Variants in COL21A1 observed in about 807,000 individuals in gnomAD.
COL21A1 encodes the protein collagen type XXI alpha 1 chain.
A neutral mutation model predicts 137.9 loss-of-function variants in COL21A1; 149 were observed. That is an observed-to-expected ratio of 1.08 (90% CI 0.95 to 1.24). The LOEUF (loss-of-function observed/expected upper bound fraction) is 1.24. Ranked by LOEUF, COL21A1 falls within the 50% of genes most tolerant of loss-of-function variation. The pLI, the probability that COL21A1 is intolerant of heterozygous loss-of-function variation, is 0.00. For missense variants in COL21A1, 1,167 were observed against 1,158.4 expected (o/e 1.01, Z -0.11); for synonymous variants, 456 against 391.5 (o/e 1.16, Z -1.95).
chr6:56,217,546 T>A (rs1780564837), intron 1 of COL21A1, among the ~76,000 whole-genome samples: 1 of 152,028 alleles, frequency 6.6e-6, no homozygotes, highest in African/African-American at 2.4e-5. Flanking sequence ...CCAACCCAAT[T>A]TCATTGTTTA....
intron 17 of COL21A1, among the ~76,000 whole-genome samples, chr6:56,098,712 T>C (rs74802513): frequency 9.1e-6 from 1 of 109,308 alleles, no homozygotes; most frequent in Non-Finnish European, 1.7e-5. Flanking sequence ...TATATAAATA[T>C]ATATAAATAT....
rs572669773 is a variant in COL21A1, at chr6:56,179,693, T to G, written c.525A>C (p.Glu175Asp). The change falls in exon 3 of 30, where the codon GAA becomes GAC. Residue 175 changes from glutamate (E) to aspartate (D), a missense_variant. Glu to Asp is a conservative substitution (Grantham distance 45). Coordinates refer to ENST00000244728, the MANE Select transcript of COL21A1 (RefSeq NM_030820.4). ...LFAIGVGSET[E>D]DAELRAIANK... ...TGGCAATAGCTCTAAGTTCGGCATCTTCTGTTTCTGAACCAACACCAATAG... is the reference window on the plus strand; with the variant it reads ...TGGCAATAGCTCTAAGTTCGGCATCGTCTGTTTCTGAACCAACACCAATAG... 16 of 1,613,980 alleles carry G rather than the reference T, an allele frequency of 9.9e-6. No homozygotes were observed. The African/African-American group carries it at 1.6e-4, about 16-fold the overall frequency.
At chr6:56,142,729 G>A (rs576590745) in intron 10 of COL21A1, among the ~76,000 whole-genome samples, 12 of 152,294 alleles carry the variant, frequency 7.9e-5, no homozygotes, top group African/African-American at 2.9e-4. Flanking sequence ...TGATTGTCAG[G>A]TTAATGGACC....
At chr6:56,305,392 A>T (rs1764419780) in intron 1 of COL21A1, among the ~76,000 whole-genome samples, 1 of 152,062 alleles carries the variant, frequency 6.6e-6, no homozygotes, top group South Asian at 2.1e-4. Context: ...GTCTCTAAGG[A>T]CTTGCTTTAT....
chr6:56,106,390 T>C (rs1045172459), intron 16 of COL21A1, among the ~76,000 whole-genome samples: 8 of 152,220 alleles, frequency 5.3e-5, no homozygotes, highest in African/African-American at 1.9e-4. Flanking sequence ...GCTTCTTATC[T>C]GTGTATAACT....
At chr6:56,213,689 T>G (rs1437985198) in intron 1 of COL21A1, among the ~76,000 whole-genome samples, 4 of 152,068 alleles carry the variant, frequency 2.6e-5, no homozygotes, top group Admixed American at 6.6e-5. Flanking sequence ...AATAGTATAT[T>G]GTATACATTT....
At chr6:56,221,035 A>G (rs2152312308) in intron 1 of COL21A1, among the ~76,000 whole-genome samples, 1 of 152,248 alleles carries the variant, frequency 6.6e-6, no homozygotes, top group Non-Finnish European at 1.5e-5. Context: ...TTCTTCATGC[A>G]TTAAGTGTAC....
chr6:56,181,470 A>G (rs949175880), intron 2 of COL21A1, among the ~76,000 whole-genome samples: 9 of 151,936 alleles, frequency 5.9e-5, no homozygotes, highest in African/African-American at 2.2e-4. Context: ...GGCCCTTCCT[A>G]AATACTGAGA....
intron 10 of COL21A1, among the ~76,000 whole-genome samples, chr6:56,152,372 T>A (rs1775392360): frequency 6.6e-6 from 1 of 152,230 alleles, no homozygotes; most frequent in African/African-American, 2.4e-5. Flanking sequence ...TAATGATATC[T>A]GCAAAGTTCC....
At chr6:56,191,234 G>A (rs1488085840) in intron 1 of COL21A1, among the ~76,000 whole-genome samples, 2 of 152,272 alleles carry the variant, frequency 1.3e-5, no homozygotes, top group East Asian at 3.9e-4. Flanking sequence ...ATCTTCTTAA[G>A]CTGGTAAGCA....
intron 1 of COL21A1, among the ~76,000 whole-genome samples, chr6:56,241,357 T>C (rs1782311973): frequency 1.3e-5 from 2 of 152,194 alleles, no homozygotes; most frequent in Admixed American, 6.5e-5. Context: ...TTGGACTCTC[T>C]AGCCTCCAGA....
At chr6:56,367,971 C>T (rs962387298) in intron 1 of COL21A1, among the ~76,000 whole-genome samples, 1 of 152,142 alleles carries the variant, frequency 6.6e-6, no homozygotes, top group Admixed American at 6.5e-5. Context: ...ACCTTGGCCT[C>T]CCAAAGTGCT....
intron 10 of COL21A1, among the ~76,000 whole-genome samples, chr6:56,153,362 C>T (rs560027379): frequency 3.0e-4 from 46 of 152,278 alleles, no homozygotes; most frequent in Non-Finnish European, 4.3e-4. Flanking sequence ...CTAGAATCAA[C>T]GCCCTCCAAC....
At chr6:56,149,072 C>A (rs1485159745) in intron 10 of COL21A1, among the ~76,000 whole-genome samples, 1 of 152,174 alleles carries the variant, frequency 6.6e-6, no homozygotes, top group Non-Finnish European at 1.5e-5. Flanking sequence ...TTTTCATCAG[C>A]TTAAATAACA....
At chr6:56,125,988 C>G in intron 13 of COL21A1, 108 bp downstream of exon 13, 1 of 632,946 alleles carries the variant, frequency 1.6e-6, no homozygotes, top group Non-Finnish European at 2.7e-6. Flanking sequence ...TACTTTATCT[C>G]TAATTATATA....
chr6:56,140,938 A>T (rs1263605715), intron 12 of COL21A1, among the ~76,000 whole-genome samples: 1 of 152,156 alleles, frequency 6.6e-6, no homozygotes, highest in Non-Finnish European at 1.5e-5. Context: ...CAACATAATG[A>T]CCCAAAACAA....
intron 1 of COL21A1, among the ~76,000 whole-genome samples, chr6:56,228,807 C>T (rs1246292963): frequency 6.6e-6 from 1 of 151,638 alleles, no homozygotes; most frequent in East Asian, 2.0e-4. Flanking sequence ...TGGAATAAAA[C>T]AAATGACTAA....
rs543697687 is a variant in COL21A1 at position 56,151,598 on chromosome 6, C to T, written c.1434+5289G>A. ...TTTTCAATTATGAAAATTAGTATTTCTCCAGAGTGGAATAATTTCCTATTT... is the reference window on the plus strand; with the variant it reads ...TTTTCAATTATGAAAATTAGTATTTTTCCAGAGTGGAATAATTTCCTATTT... On this transcript the variant is annotated intron_variant, in intron 10 of 29. Transcript: ENST00000244728. Among the ~76,000 whole-genome samples, 8 of 152,282 alleles carry T rather than the reference C, an allele frequency of 5.3e-5. No individual in the cohort carries two copies. The South Asian group carries it at 1.7e-3, about 32-fold the overall frequency.
At chr6:56,287,035 AGGT>A (rs1260999638) in intron 1 of COL21A1, among the ~76,000 whole-genome samples, 2 of 152,214 alleles carry the variant, frequency 1.3e-5, no homozygotes, top group Non-Finnish European at 2.9e-5. Context: ...AATAAATAAA[AGGT>A]GGGAGAATCA....
Sources: allele counts gnomAD v4.1 joint callset (sites outside exome capture counted in the v4.1 genomes callset), GRCh38; gene constraint gnomAD v4.1.1; transcripts MANE v1.5; gene names NCBI Gene and HGNC (gene_info 2026-07-23, HGNC 2026-07-21).